Variants in GALNT2 observed in about 807,000 individuals in gnomAD.
GALNT2 encodes the protein polypeptide N-acetylgalactosaminyltransferase 2.
A neutral mutation model predicts 81.4 loss-of-function variants in GALNT2; 31 were observed. The observed-to-expected ratio is 0.38, with a 90% CI of 0.29 to 0.51. The LOEUF (loss-of-function observed/expected upper bound fraction) is 0.51. Among genes scored for constraint, GALNT2 ranks in the 20% least tolerant of loss-of-function variants. GALNT2 has a pLI of 0.87. For missense variants in GALNT2, 629 were observed against 765.7 expected, an observed-to-expected ratio of 0.82 and a Z score of 2.11; for synonymous variants, 303 against 287.4, an observed-to-expected ratio of 1.05 and a Z score of -0.55.
chr1:230,128,330 G>A (rs1229093489), intron 1 of GALNT2, among the ~76,000 whole-genome samples: 1 of 152,118 alleles, frequency 6.6e-6, no homozygotes, highest in Non-Finnish European at 1.5e-5. Context: ...AAGGGCAGGC[G>A]TGTGTTCTCC....
rs918504349 is a variant in GALNT2 at position 230,265,072 on chromosome 1, G to T, written c.1314-169G>T. 7.0e-6 allele frequency: 5 copies of T among 715,142 alleles called. No homozygotes were observed. In the African/African-American group the frequency reaches 7.1e-5, roughly 10 times the overall value. 44.3% of individuals were successfully genotyped at this position (715,142 alleles called of 1,614,324 possible). ...TGGAAGTCCAGAGCCTGGGAGAAAT[G>T]CCGTGTCCCTGACACACACTACCTG... On this transcript the variant is annotated intron_variant, in intron 13 of 15. Coordinates refer to ENST00000366672, the MANE Select transcript of GALNT2 (RefSeq NM_004481.5).
intron 1 of GALNT2, among the ~76,000 whole-genome samples, chr1:230,130,445 C>A (rs926955354): frequency 6.6e-6 from 1 of 152,096 alleles, no homozygotes; most frequent in African/African-American, 2.4e-5. Context: ...TGTGCTCAGC[C>A]GGTTGTGAAG....
At chr1:230,203,336 A>G (rs1663966542) in intron 3 of GALNT2, 46 bp downstream of exon 3, 2 of 1,596,174 alleles carry the variant, frequency 1.3e-6, no homozygotes, top group East Asian at 2.2e-5. Context: ...TTGCTTTCAC[A>G]CAAACCAGTA....
intron 3 of GALNT2, among the ~76,000 whole-genome samples, chr1:230,222,371 A>G (rs1350177956): frequency 6.6e-6 from 1 of 151,956 alleles, no homozygotes; most frequent in Non-Finnish European, 1.5e-5. Context: ...TGAATGTTGA[A>G]TGTTTACTTT....
intron 3 of GALNT2, among the ~76,000 whole-genome samples, chr1:230,228,495 G>A (rs1031392197): frequency 2.6e-5 from 4 of 151,972 alleles, no homozygotes; most frequent in African/African-American, 9.7e-5. Flanking sequence ...CAGCAGTGGC[G>A]TTACTCATCA....
At chr1:230,178,368 G>A (rs1663053649) in intron 2 of GALNT2, 57 bp downstream of exon 2, 1 of 1,316,524 alleles carries the variant, frequency 7.6e-7, no homozygotes, top group Admixed American at 1.8e-5. Flanking sequence ...GGAGTGGACT[G>A]AGCATGGCTC....
chr1:230,210,583 G>T (rs1026396710), intron 3 of GALNT2, among the ~76,000 whole-genome samples: 1 of 152,074 alleles, frequency 6.6e-6, no homozygotes, highest in Non-Finnish European at 1.5e-5. Context: ...ACATCTAATC[G>T]GTTTATCTTT....
At chr1:230,155,949 G>A (rs1662237937) in intron 1 of GALNT2, among the ~76,000 whole-genome samples, 1 of 152,058 alleles carries the variant, frequency 6.6e-6, no homozygotes, top group African/African-American at 2.4e-5. Flanking sequence ...GTCAGATCAG[G>A]AAAACCATGG....
chr1:230,128,412 G>A (rs1432669955), intron 1 of GALNT2, among the ~76,000 whole-genome samples: 1 of 152,048 alleles, frequency 6.6e-6, no homozygotes, highest in African/African-American at 2.4e-5. Context: ...CCTCTTCCCC[G>A]AAGCTCTGTT....
At chr1:230,263,187 G>A (rs1299050345) in intron 13 of GALNT2, 182 bp downstream of exon 13, 8 of 602,916 alleles carry the variant, frequency 1.3e-5, no homozygotes. Flanking sequence ...AAGTTGGCCT[G>A]CTGCTGTCTC....
At chr1:230,211,609 C>T (rs914283138) in intron 3 of GALNT2, among the ~76,000 whole-genome samples, 1 of 151,876 alleles carries the variant, frequency 6.6e-6, no homozygotes, top group Non-Finnish European at 1.5e-5. Context: ...AGTGAGACCC[C>T]ATCTTAAAAA....
chr1:230,128,631 G>A (rs1571995080), intron 1 of GALNT2, among the ~76,000 whole-genome samples: 1 of 148,812 alleles, frequency 6.7e-6, no homozygotes, highest in South Asian at 2.1e-4. Context: ...GGGGGCGGGG[G>A]TGGTTGGGGG....
intron 3 of GALNT2, among the ~76,000 whole-genome samples, chr1:230,228,884 T>G (rs932151682): frequency 1.3e-4 from 20 of 152,356 alleles, no homozygotes; most frequent in African/African-American, 4.6e-4. Context: ...CTAATATTTC[T>G]ATAATACTGG....
Position 230,257,147 on chromosome 1 carries a change from A to ATTACCCGGGTCCCCGGCCC in GALNT2, c.1136+1803_1136+1804insTTACCCGGGTCCCCGGCCC. Among the ~76,000 whole-genome samples the ATTACCCGGGTCCCCGGCCC allele has an allele frequency of 6.6e-6, 1 of 152,356 alleles. No homozygotes were observed. The highest frequency in any genetic ancestry group is 2.4e-5 in the African/African-American group (1 of 41,588). ...CCATGCACCTTTGCAGGTCATGGGA[A>ATTACCCGGGTCCCCGGCCC]ACGTTGGATGTTATTTGATTCTGAA... On this transcript the variant is annotated intron_variant, in intron 11 of 15. Coordinates refer to ENST00000366672, the MANE Select transcript of GALNT2 (RefSeq NM_004481.5). This position sits in a 1 kb window ranked among gnomAD's most constrained non-coding sequence, Gnocchi z 4.6.
At chr1:230,089,872 C>G (rs1660011234) in intron 1 of GALNT2, among the ~76,000 whole-genome samples, 1 of 152,184 alleles carries the variant, frequency 6.6e-6, no homozygotes, top group African/African-American at 2.4e-5. Flanking sequence ...GCACATTTCC[C>G]TTCGAGACCC....
At chr1:230,184,877 C>T (rs575660747) in intron 2 of GALNT2, among the ~76,000 whole-genome samples, 28 of 152,270 alleles carry the variant, frequency 1.8e-4, no homozygotes, top group Non-Finnish European at 3.5e-4. Flanking sequence ...TGCATATTTA[C>T]ACCACTGTAA....
At chr1:230,156,734 GT>G (rs968966524) in intron 1 of GALNT2, among the ~76,000 whole-genome samples, 1 of 151,942 alleles carries the variant, frequency 6.6e-6, no homozygotes, top group Non-Finnish European at 1.5e-5. Flanking sequence ...GTTGGTGGTG[GT>G]TTTTTTTAAT....
rs1665362325 is a variant in GALNT2, at chr1:230,246,138, G to A, written c.805G>A (p.Asp269Asn). ...DNFQYVGASA[D>N]LKGGFDWNLV... The stretch of plus-strand genomic sequence containing the variant: ...CTTTCAGTATGTGGGGGCATCTGCT[G>A]ACTTGAAGGGCGGTAGGTGTCTGTC... The change falls in exon 8 of 16, where the codon GAC (aspartate) becomes AAC (asparagine). Residue 269 changes from aspartate to asparagine, a missense_variant. By Grantham distance (23) the Asp-to-Asn change is conservative. Transcript: ENST00000366672. The A allele has an allele frequency of 6.2e-7, 1 of 1,613,776 alleles. No homozygotes were observed. Among genetic ancestry groups the A allele is most frequent in the African/African-American group, 1.3e-5 (1 of 74,908 alleles).
upstream of GALNT2, among the ~76,000 whole-genome samples, chr1:230,066,323 T>C (rs1354703729): frequency 6.6e-6 from 1 of 152,280 alleles, no homozygotes; most frequent in Non-Finnish European, 1.5e-5. Context: ...GATCGTTTTC[T>C]TGTATCGTTA....
Sources: allele counts gnomAD v4.1 joint callset (sites outside exome capture counted in the v4.1 genomes callset), GRCh38; gene constraint gnomAD v4.1.1; non-coding constraint Gnocchi (gnomAD v3.1); transcripts MANE v1.5; gene names NCBI Gene and HGNC (gene_info 2026-07-23, HGNC 2026-07-21).